Variants in PTPRG observed in about 807,000 individuals in gnomAD.
The protein encoded by PTPRG is receptor-type tyrosine-protein phosphatase gamma.
In PTPRG, 102 loss-of-function variants were observed where a neutral mutation model predicts 165.3. The ratio of observed to expected loss-of-function variants is 0.62; its 90% CI spans 0.53 to 0.73. PTPRG has a LOEUF of 0.73. PTPRG is among the 30% of genes least tolerant of loss of function. PTPRG has a pLI of 0.00. For synonymous variants in PTPRG, 675 were observed against 669.5 expected (o/e 1.01, Z -0.13); for missense variants, 1,866 against 1,861.4 (o/e 1.00, Z -0.05).
At chr3:61,783,785 C>T (rs949183631) in intron 2 of PTPRG, among the ~76,000 whole-genome samples, 2 of 152,142 alleles carry the variant, frequency 1.3e-5, no homozygotes, top group Non-Finnish European at 2.9e-5. Context: ...TGAAGGCAGG[C>T]ACTGGAGACA....
At chr3:61,801,764 A>T (rs1385127637) in intron 2 of PTPRG, among the ~76,000 whole-genome samples, 1 of 152,138 alleles carries the variant, frequency 6.6e-6, no homozygotes, top group African/African-American at 2.4e-5. Context: ...ACAGCAGGGA[A>T]TGTTTGGAAG....
intron 9 of PTPRG, among the ~76,000 whole-genome samples, chr3:62,192,400 T>C (rs1221063906): frequency 2.0e-4 from 19 of 94,084 alleles, no homozygotes; most frequent in African/African-American, 1.2e-3. Flanking sequence ...TGTCTTTTTT[T>C]TTTTTTTTTT....
intron 2 of PTPRG, among the ~76,000 whole-genome samples, chr3:61,868,343 C>T (rs528811429): frequency 4.6e-5 from 7 of 152,148 alleles, no homozygotes; most frequent in Admixed American, 1.3e-4. Flanking sequence ...GATTTGATTC[C>T]GAAATCCCTG....
intron 2 of PTPRG, among the ~76,000 whole-genome samples, chr3:61,854,371 T>C (rs2037045344): frequency 6.6e-6 from 1 of 152,190 alleles, no homozygotes. Flanking sequence ...TATTCTCATC[T>C]ATAGGCTGTG....
intron 2 of PTPRG, among the ~76,000 whole-genome samples, chr3:61,846,313 T>C (rs2036804668): frequency 1.3e-5 from 2 of 152,198 alleles, no homozygotes; most frequent in South Asian, 4.1e-4. Context: ...ATTGTCTTCC[T>C]ATAAGAAGCA....
intron 1 of PTPRG, among the ~76,000 whole-genome samples, chr3:61,564,764 C>A (rs931015252): frequency 2.6e-5 from 4 of 152,206 alleles, no homozygotes; most frequent in African/African-American, 9.6e-5. Context: ...CACCTCCACA[C>A]TGGTCGGCCT....
rs577973723 is a variant in PTPRG at position 61,683,217 on chromosome 3, A to G, written c.86-65661A>G. Among the ~76,000 whole-genome samples the G allele has an allele frequency of 1.6e-4, 24 of 152,324 alleles. No homozygotes were observed. The South Asian group carries it at 4.6e-3, about 29-fold the overall frequency. On this transcript the variant is annotated intron_variant, in intron 1 of 29. Transcript: ENST00000474889. ...AAAGTCAGGCTATAAAGATCAGCAC[A>G]ATGGCCGAAGACAGCTGGGCTGATA...
chr3:61,815,175 T>A (rs2035717396), intron 2 of PTPRG, among the ~76,000 whole-genome samples: 1 of 150,662 alleles, frequency 6.6e-6, no homozygotes, highest in Non-Finnish European at 1.5e-5. Flanking sequence ...GGTGGGTGGA[T>A]CTCTTGAGCT....
chr3:61,657,812 T>A (rs1029589838), intron 1 of PTPRG, among the ~76,000 whole-genome samples: 2 of 152,226 alleles, frequency 1.3e-5, no homozygotes. Flanking sequence ...CCATGGCTGC[T>A]GAGAGTGCTG....
intron 2 of PTPRG, among the ~76,000 whole-genome samples, chr3:61,922,394 C>A (rs2039100342): frequency 6.6e-6 from 1 of 152,152 alleles, no homozygotes; most frequent in Non-Finnish European, 1.5e-5. Context: ...GGGAGATGGA[C>A]AAGAAAGCTG....
At chr3:61,735,640 G>A (rs1390437116) in intron 1 of PTPRG, among the ~76,000 whole-genome samples, 2 of 151,926 alleles carry the variant, frequency 1.3e-5, no homozygotes, top group Non-Finnish European at 2.9e-5. Context: ...CTACAGACTT[G>A]GAGTGAGGAA....
chr3:61,641,418 G>A (rs1702058489), intron 1 of PTPRG, among the ~76,000 whole-genome samples: 1 of 152,180 alleles, frequency 6.6e-6, no homozygotes, highest in African/African-American at 2.4e-5. Flanking sequence ...ATAGTGAGTA[G>A]TTTGTTAAGC....
chr3:62,179,414 C>T (rs559706414), intron 8 of PTPRG, among the ~76,000 whole-genome samples: 5 of 152,208 alleles, frequency 3.3e-5, no homozygotes, highest in Non-Finnish European at 5.9e-5. Flanking sequence ...GCTGAGAAGG[C>T]GCTGCCTGTA....
intron 3 of PTPRG, among the ~76,000 whole-genome samples, chr3:62,000,785 G>C (rs940245034): frequency 6.6e-6 from 1 of 152,162 alleles, no homozygotes; most frequent in African/African-American, 2.4e-5. Flanking sequence ...CTTCCGTGCT[G>C]TCCAGGAGCT....
chr3:61,806,517 T>C (rs1221902594), intron 2 of PTPRG, among the ~76,000 whole-genome samples: 1 of 152,196 alleles, frequency 6.6e-6, no homozygotes, highest in Non-Finnish European at 1.5e-5. Flanking sequence ...GATTAAGTCT[T>C]TTTGGTTTCT....
At chr3:61,761,708 G>A (rs1033090055) in intron 2 of PTPRG, among the ~76,000 whole-genome samples, 10 of 152,136 alleles carry the variant, frequency 6.6e-5, no homozygotes, top group Admixed American at 3.9e-4. Flanking sequence ...CCTTGGACAC[G>A]GGAAGCCACT....
chr3:61,758,879 T>G lies in PTPRG; in HGVS notation c.190+9897T>G, dbSNP rs1197663710. On this transcript the variant is annotated intron_variant, in intron 2 of 29. Coordinates refer to ENST00000474889, the MANE Select transcript of PTPRG (RefSeq NM_002841.4). ...ACTTTTAGAATTGCCAATATGTAGT[T>G]GGAATAAGTGTCTAATATATGCTTA... 3.3e-5 allele frequency among the ~76,000 whole-genome samples: 5 copies of G among 152,320 alleles called. No homozygotes were observed. In the South Asian group the frequency reaches 8.3e-4, roughly 25 times the overall value.
intron 2 of PTPRG, among the ~76,000 whole-genome samples, chr3:61,924,950 A>T (rs1285609124): frequency 6.6e-6 from 1 of 152,192 alleles, no homozygotes; most frequent in African/African-American, 2.4e-5. Flanking sequence ...CCTTTGTCTA[A>T]AGAGTCAGAA....
At chr3:61,743,301 G>A (rs977912263) in intron 1 of PTPRG, among the ~76,000 whole-genome samples, 2 of 152,148 alleles carry the variant, frequency 1.3e-5, no homozygotes, top group African/African-American at 4.8e-5. Flanking sequence ...GATTCCTCCT[G>A]CTGAGTGAGA....
Sources: allele counts gnomAD v4.1 joint callset (sites outside exome capture counted in the v4.1 genomes callset), GRCh38; gene constraint gnomAD v4.1.1; transcripts MANE v1.5; gene names NCBI Gene and HGNC (gene_info 2026-07-23, HGNC 2026-07-21).